CPZ: variants seen among roughly 807,000 people sequenced by gnomAD.
The protein encoded by CPZ is carboxypeptidase Z, also known as VEZT/CPZ fusion.
In CPZ, 103 loss-of-function variants were observed where a neutral mutation model predicts 61.8. That is an observed-to-expected ratio of 1.67 (90% CI 1.42 to 1.96). CPZ has a LOEUF of 1.96. Ranked by LOEUF, CPZ falls within the 30% of genes most tolerant of loss-of-function variation. The probability of loss-of-function intolerance (pLI) is 0.00; values close to 1 mark genes in which losing one functional copy is unlikely to be tolerated. For missense variants in CPZ, 1,461 were observed against 914.9 expected (o/e 1.60, Z -7.70); for synonymous variants, 551 against 373.7 (o/e 1.47, Z -5.47).
chr4:8,612,221 G>GGGGGGGGGGGGGGGGGGGGC, intron 8 of CPZ, 59 bp downstream of exon 8: 15 of 206,186 alleles, frequency 7.3e-5, no homozygotes, highest in East Asian at 6.4e-4. Context: ...GCTGGGTGGG[G>GGGGGGGGGGGGGGGGGGGGC]CAGGGGCAAG....
rs187990054 is a variant in CPZ, at chr4:8,611,348, G to T, written c.1228-679G>T. On this transcript the variant is annotated intron_variant, in intron 7 of 10. Coordinates refer to ENST00000360986, the MANE Select transcript of CPZ (RefSeq NM_001014447.3). Reference sequence around the variant, plus strand: ...ACTCTGCCTGGGGGATGGGCACAATGCGGGGAAGCTCTGGGCTGGGAAGGG... The same window carrying T: ...ACTCTGCCTGGGGGATGGGCACAATTCGGGGAAGCTCTGGGCTGGGAAGGG... 1.1e-3 allele frequency: 468 copies of T among 443,414 alleles called. 4 individuals carry two copies. The highest frequency in any genetic ancestry group is 8.6e-3 in the African/African-American group (428 of 49,958). The allele number at this position is 443,414 out of a possible 1,614,324, so 27.5% of individuals were successfully genotyped here. A position where few individuals can be genotyped will look rare whatever the true frequency, so the allele number is the denominator to read the frequency against.
At chr4:8,611,455 C>T (rs1414483650) in intron 7 of CPZ, among the ~76,000 whole-genome samples, 1 of 152,166 alleles carries the variant, frequency 6.6e-6, no homozygotes, top group African/African-American at 2.4e-5. Context: ...TGTGTTCTGT[C>T]CCTCTGCCAA....
Position 8,611,901 on chromosome 4 carries a change from A to C in CPZ, c.1228-126A>C, listed in dbSNP as rs574066009. Reference sequence around the variant, plus strand: ...CACCGTTCCCCTCTCCTACCTGCAGACACCATTCCCCTCTCCTATCTGCAA... The same window carrying C: ...CACCGTTCCCCTCTCCTACCTGCAGCCACCATTCCCCTCTCCTATCTGCAA... On this transcript the variant is annotated intron_variant, in intron 7 of 10. Transcript: ENST00000360986. 15 of 1,344,726 alleles carry C rather than the reference A, an allele frequency of 1.1e-5. No individual in the cohort carries two copies. The South Asian group carries it at 1.7e-4, about 15-fold the overall frequency. 83.3% of individuals were successfully genotyped at this position (1,344,726 alleles called of 1,614,324 possible).
chr4:8,617,861 A>T (rs537650957), intron 9 of CPZ, among the ~76,000 whole-genome samples: 53 of 152,294 alleles, frequency 3.5e-4, no homozygotes, highest in Non-Finnish European at 6.2e-4. Flanking sequence ...AGGGCTTTCC[A>T]GGGTGAAAAC....
intron 1 of CPZ, among the ~76,000 whole-genome samples, chr4:8,599,056 C>T (rs530796992): frequency 3.9e-5 from 6 of 152,200 alleles, no homozygotes; most frequent in South Asian, 2.1e-4. Flanking sequence ...GAGGACTCAG[C>T]GGCTTACGGT....
intron 9 of CPZ, among the ~76,000 whole-genome samples, chr4:8,615,935 C>T (rs1374542763): frequency 3.9e-5 from 6 of 152,196 alleles, no homozygotes; most frequent in African/African-American, 7.2e-5. Context: ...ATGGCTGTGC[C>T]GCAGCCCTGC....
chr4:8,603,640 C>A (rs1714736230), intron 3 of CPZ: 1 of 343,614 alleles, frequency 2.9e-6, no homozygotes, highest in East Asian at 6.6e-5. Context: ...GCACACCCAG[C>A]AGGGGTTTGC....
At chr4:8,619,121 G>A (rs73213402) in intron 10 of CPZ, 141 bp from the exon 11 acceptor site, 194,648 of 680,078 alleles carry the variant, frequency 0.29, 30,459 homozygotes, top group Non-Finnish European at 0.33. Context: ...TGGGAAGGAC[G>A]TTCCAGGCCC....
chr4:8,609,759 G>A (rs750810231), intron 7 of CPZ, among the ~76,000 whole-genome samples: 6 of 152,370 alleles, frequency 3.9e-5, no homozygotes, highest in Admixed American at 1.3e-4. Flanking sequence ...CAGAGCCAGA[G>A]AAAATAACAC....
intron 8 of CPZ, 44 bp downstream of exon 8, chr4:8,612,206 C>CG: frequency 1.3e-5 from 1 of 75,862 alleles, no homozygotes; most frequent in Non-Finnish European, 2.2e-5. Flanking sequence ...GTGGGGGGTG[C>CG]AGGGGCTGGG....
intron 7 of CPZ, among the ~76,000 whole-genome samples, chr4:8,609,062 C>T (rs1715310395): frequency 7.4e-6 from 1 of 135,032 alleles, no homozygotes; most frequent in South Asian, 2.6e-4. Flanking sequence ...CTCCCTCACT[C>T]CCTCACTCAC....
chr4:8,608,276 G>C lies in CPZ; in HGVS notation c.1227+851G>C, dbSNP rs546738032. Among the ~76,000 whole-genome samples, 8 of 152,058 alleles carry C rather than the reference G, an allele frequency of 5.3e-5. No individual in the cohort carries two copies. The South Asian group carries it at 8.3e-4, about 16-fold the overall frequency. On this transcript the variant is annotated intron_variant, in intron 7 of 10. Coordinates refer to ENST00000360986, the MANE Select transcript of CPZ (RefSeq NM_001014447.3). The stretch of plus-strand genomic sequence containing the variant: ...GGCCCAGAGTCGCTCCCCAGGCTTC[G>C]CGTGGAGAGCCAGGCCTGCCCTCCA...
Position 8,619,438 on chromosome 4 carries a change from G to C in CPZ, c.1780G>C (p.Gly594Arg). ...LGMGPKNFIHGLRRTGPHDPL... is the reference protein window; with the variant it reads ...LGMGPKNFIHRLRRTGPHDPL... ...GATGGGACCCAAGAACTTTATTCAT[G>C]GGCTGCGGAGGACTGGGCCCCACGA... Residue 594 changes from glycine to arginine, a missense_variant, in exon 11 of 11, where the codon GGG becomes CGG. Transcript: ENST00000360986. 5 of 1,613,736 alleles carry C rather than the reference G, an allele frequency of 3.1e-6. No individual in the cohort carries two copies. Among genetic ancestry groups the C allele is most frequent in the Non-Finnish European group, 4.2e-6 (5 of 1,179,836 alleles).
At chr4:8,617,381 G>A (rs751478902) in intron 9 of CPZ, among the ~76,000 whole-genome samples, 4 of 152,176 alleles carry the variant, frequency 2.6e-5, no homozygotes, top group Admixed American at 6.5e-5. Context: ...CTAATGTCCC[G>A]GGGCCAGGGA....
Position 8,604,119 on chromosome 4 carries a change from G to C in CPZ, c.640G>C (p.Gly214Arg), listed in dbSNP as rs749305362. The C allele has an allele frequency of 1.2e-6, 2 of 1,600,936 alleles. No individual in the cohort carries two copies. The highest frequency in any genetic ancestry group is 1.7e-6 in the Non-Finnish European group (2 of 1,174,152). The change falls in exon 4 of 11, where the codon GGG becomes CGG. Residue 214 changes from glycine (G) to arginine (R), a missense_variant. Physicochemically the swap from Gly to Arg is moderately radical, Grantham distance 125. Transcript: ENST00000360986. ...CAHVARTYSIGRSFDGRELLV... is the reference protein window; with the variant it reads ...CAHVARTYSIRRSFDGRELLV... ...CCACGTGGCCAGGACCTACAGCATC[G>C]GGCGCAGCTTCGACGGCAGGGAGCT...
At chr4:8,611,762 CAG>C (rs1715715477) in intron 7 of CPZ, among the ~76,000 whole-genome samples, 1 of 151,604 alleles carries the variant, frequency 6.6e-6, no homozygotes, top group Non-Finnish European at 1.5e-5. Context: ...GCCAGGTGTG[CAG>C]AGTCTCGGTG....
At chr4:8,609,788 C>T (rs1032385562) in intron 7 of CPZ, among the ~76,000 whole-genome samples, 1 of 152,252 alleles carries the variant, frequency 6.6e-6, no homozygotes, top group Non-Finnish European at 1.5e-5. Flanking sequence ...AGCCATCAAT[C>T]ATCGGGCAGT....
chr4:8,609,215 T>TTCACTCACTCCCTCACTCAC (rs1363852105), intron 7 of CPZ, among the ~76,000 whole-genome samples: 1 of 39,582 alleles, frequency 2.5e-5, no homozygotes, highest in East Asian at 2.3e-3. Flanking sequence ...CACTTACTCA[T>TTCACTCACTCCCTCACTCAC]TCACTTACTC....
intron 7 of CPZ, among the ~76,000 whole-genome samples, chr4:8,608,125 G>GGCCCCA (rs1215762928): frequency 1.4e-5 from 2 of 144,112 alleles, no homozygotes; most frequent in Non-Finnish European, 3.0e-5. Flanking sequence ...ATCTGAGGTG[G>GGCCCCA]GCCCCAGCCT....
Sources: allele counts gnomAD v4.1 joint callset (sites outside exome capture counted in the v4.1 genomes callset), GRCh38; gene constraint gnomAD v4.1.1; transcripts MANE v1.5; gene names NCBI Gene and HGNC (gene_info 2026-07-23, HGNC 2026-07-21).